OCA2: variants seen among roughly 807,000 people sequenced by gnomAD.
OCA2 encodes the protein OCA2 melanosomal transmembrane protein, also known as P protein.
In OCA2, 77 loss-of-function variants were observed where a neutral mutation model predicts 100.2. The observed-to-expected ratio is 0.77, with a 90% confidence interval of 0.64 to 0.93. The LOEUF is 0.93. Among genes scored for constraint, OCA2 ranks in the 40% least tolerant of loss-of-function variants. The pLI is 0.00. For synonymous variants in OCA2, 432 were observed against 439.2 expected, an observed-to-expected ratio of 0.98 and a Z score of 0.21; for missense variants, 1,062 against 1,089.1, an observed-to-expected ratio of 0.98 and a Z score of 0.35.
chr15:28,027,608 G>A lies in OCA2; in HGVS notation c.515+263C>T, dbSNP rs142702560. 9.8e-3 allele frequency among the ~76,000 whole-genome samples: 1,487 copies of A among 152,274 alleles called. 24 individuals carry two copies. Among genetic ancestry groups the A allele is most frequent in the African/African-American group, 0.034 (1,402 of 41,560 alleles). On this transcript the variant is annotated intron_variant, in intron 4 of 23. Coordinates refer to ENST00000354638, the MANE Select transcript of OCA2 (RefSeq NM_000275.3). Reference sequence around the variant, plus strand: ...AAACCTAATGGCCATGAAGACCCCAGCCACACAAGCAGGAAGGAGAGGAGT... The same window carrying A: ...AAACCTAATGGCCATGAAGACCCCAACCACACAAGCAGGAAGGAGAGGAGT...
chr15:27,722,369 G>T, the OCA2 span, among the ~76,000 whole-genome samples: 12 of 152,214 alleles, frequency 7.9e-5, no homozygotes, highest in African/African-American at 2.7e-4. Context: ...CTGAGTGGAG[G>T]TTACCAAAAT....
At chr15:27,835,919 C>T (rs534695797) in intron 23 of OCA2, among the ~76,000 whole-genome samples, 25 of 152,270 alleles carry the variant, frequency 1.6e-4, no homozygotes, top group African/African-American at 5.5e-4. Context: ...GTGGTCACCC[C>T]GAATCAAAGT....
intron 23 of OCA2, among the ~76,000 whole-genome samples, chr15:27,844,353 C>T (rs2035454864): frequency 1.3e-5 from 2 of 152,226 alleles, no homozygotes; most frequent in South Asian, 4.1e-4. Context: ...AATCCAGCAC[C>T]GTCTTCGTGG....
At chr15:27,807,819 G>C (rs1226905576) in intron 23 of OCA2, among the ~76,000 whole-genome samples, 8 of 152,142 alleles carry the variant, frequency 5.3e-5, no homozygotes, top group African/African-American at 1.9e-4. Flanking sequence ...CTTTAATCTG[G>C]TTACATAACC....
chr15:27,900,293 C>T (rs542778431), intron 19 of OCA2, among the ~76,000 whole-genome samples: 59 of 152,190 alleles, frequency 3.9e-4, no homozygotes, highest in Admixed American at 7.2e-4. Flanking sequence ...ACAGCTACTG[C>T]GCACATGCAC....
chr15:27,767,983 A>G (rs902044935), intron 23 of OCA2, among the ~76,000 whole-genome samples: 1 of 152,202 alleles, frequency 6.6e-6, no homozygotes, highest in African/African-American at 2.4e-5. Context: ...AGCAGCCACA[A>G]TGGCAGTGGA....
intron 9 of OCA2, among the ~76,000 whole-genome samples, chr15:28,001,366 G>A (rs951778592): frequency 6.6e-6 from 1 of 152,100 alleles, no homozygotes; most frequent in African/African-American, 2.4e-5. Context: ...TGAATGCTAA[G>A]TGAAATAAGT....
At chr15:28,006,807 A>C (rs944269414) in intron 9 of OCA2, among the ~76,000 whole-genome samples, 2 of 152,262 alleles carry the variant, frequency 1.3e-5, no homozygotes, top group African/African-American at 4.8e-5. Context: ...GCAGCCCTGC[A>C]GAGCATCATA....
chr15:27,815,020 G>A (rs573971480), intron 23 of OCA2, among the ~76,000 whole-genome samples: 1 of 152,250 alleles, frequency 6.6e-6, no homozygotes, highest in South Asian at 2.1e-4. Flanking sequence ...AGGAGATGGT[G>A]TGGCCATCAC....
At chr15:28,068,314 A>G (rs2044087791) in intron 2 of OCA2, among the ~76,000 whole-genome samples, 1 of 152,234 alleles carries the variant, frequency 6.6e-6, no homozygotes, top group South Asian at 2.1e-4. Flanking sequence ...AGATCTTCAG[A>G]GATGAGTATG....
chr15:27,724,371 C>T, the OCA2 span, among the ~76,000 whole-genome samples: 40 of 152,262 alleles, frequency 2.6e-4, no homozygotes, highest in African/African-American at 6.3e-4. Context: ...TTAATCATCA[C>T]CCCTCTGTGC....
At chr15:28,024,682 G>A (rs115900550) in intron 5 of OCA2, among the ~76,000 whole-genome samples, 163 bp downstream of exon 5, 191 of 152,274 alleles carry the variant, frequency 1.3e-3, no homozygotes, top group African/African-American at 4.5e-3. Flanking sequence ...CCCTCAGCCC[G>A]CTGCCCCACA....
chr15:27,733,380 C>T, the OCA2 span, among the ~76,000 whole-genome samples: 1 of 152,202 alleles, frequency 6.6e-6, no homozygotes, highest in Non-Finnish European at 1.5e-5. Flanking sequence ...CCCCTGTCTC[C>T]AGCCCGCCCA....
At chr15:27,935,288 G>T (rs1003221774) in intron 18 of OCA2, among the ~76,000 whole-genome samples, 1 of 152,116 alleles carries the variant, frequency 6.6e-6, no homozygotes, top group Non-Finnish European at 1.5e-5. Flanking sequence ...CGCTTTCCTC[G>T]AGTGGGCATT....
At chr15:27,964,808 G>T (rs1248551740) in intron 15 of OCA2, among the ~76,000 whole-genome samples, 3 of 152,104 alleles carry the variant, frequency 2.0e-5, no homozygotes, top group Non-Finnish European at 4.4e-5. Flanking sequence ...GCCCCACAGT[G>T]GCACAGAGCA....
intron 2 of OCA2, among the ~76,000 whole-genome samples, chr15:28,065,609 G>A (rs994826835): frequency 6.6e-6 from 1 of 152,042 alleles, no homozygotes. Flanking sequence ...GTTTCTGGGG[G>A]TCGAATAAGA....
At chr15:27,965,935 G>A (rs2040550116) in intron 15 of OCA2, among the ~76,000 whole-genome samples, 1 of 150,708 alleles carries the variant, frequency 6.6e-6, no homozygotes, top group Non-Finnish European at 1.5e-5. Flanking sequence ...CATCCTGCTG[G>A]CTGGTGCTCA....
chr15:27,793,402 C>A (rs1403026893), intron 23 of OCA2, among the ~76,000 whole-genome samples: 1 of 106,040 alleles, frequency 9.4e-6, no homozygotes, highest in Non-Finnish European at 1.9e-5. Context: ...AGGACTTCCA[C>A]CATTAAAAAA....
At chr15:28,061,663 A>G (rs778581327) in intron 2 of OCA2, among the ~76,000 whole-genome samples, 10 of 152,214 alleles carry the variant, frequency 6.6e-5, no homozygotes, top group Non-Finnish European at 1.2e-4. Flanking sequence ...TACGAGGAAC[A>G]GGCCCTCACC....
Sources: allele counts gnomAD v4.1 joint callset (sites outside exome capture counted in the v4.1 genomes callset), GRCh38; gene constraint gnomAD v4.1.1; transcripts MANE v1.5; gene names NCBI Gene and HGNC (gene_info 2026-07-23, HGNC 2026-07-21).